The following PIGL variants were observed in gnomAD, a reference collection of about 807,000 sequenced individuals.
PIGL encodes the protein N-acetylglucosaminyl-phosphatidylinositol de-N-acetylase.
Under a neutral mutation model 31.1 loss-of-function variants are expected in PIGL, and 22 were observed. The ratio of observed to expected loss-of-function variants is 0.71; its 90% CI spans 0.51 to 1.01. The LOEUF is 1.01. PIGL is among the 50% of genes least tolerant of loss of function. PIGL has a pLI of 0.00. For missense variants in PIGL, 302 were observed against 315.9 expected (o/e 0.96, Z 0.33); for synonymous variants, 131 against 117.4 (o/e 1.12, Z -0.75).
At chr17:16,290,156 C>T (rs563406127) in intron 2 of PIGL, among the ~76,000 whole-genome samples, 10 of 150,764 alleles carry the variant, frequency 6.6e-5, no homozygotes, top group African/African-American at 2.4e-4. Flanking sequence ...TGCAGTTGCT[C>T]ACTGCAACCT....
At chr17:16,269,652 A>G (rs558804082) in intron 2 of PIGL, among the ~76,000 whole-genome samples, 1,712 of 143,678 alleles carry the variant, frequency 0.012, 49 homozygotes, top group African/African-American at 0.041. Flanking sequence ...CCGTCTCAAA[A>G]AAAAAAAAAA....
At chr17:16,270,755 G>T (rs1453152361) in intron 2 of PIGL, among the ~76,000 whole-genome samples, 1 of 151,938 alleles carries the variant, frequency 6.6e-6, no homozygotes. Context: ...AAATTAGCCG[G>T]GTGTGGTGGC....
chr17:16,231,531 T>C (rs888235821), intron 1 of PIGL, among the ~76,000 whole-genome samples: 26 of 152,248 alleles, frequency 1.7e-4, no homozygotes, highest in African/African-American at 5.1e-4. Context: ...TGAGCCACTA[T>C]GCCCAGCTTT....
intron 6 of PIGL, among the ~76,000 whole-genome samples, chr17:16,321,155 C>A (rs1392624656): frequency 6.7e-6 from 1 of 150,354 alleles, no homozygotes; most frequent in African/African-American, 2.5e-5. Flanking sequence ...CCAGGTTGGT[C>A]TTGAACTCCT....
At chr17:16,322,159 T>C (rs2093108833) in intron 6 of PIGL, among the ~76,000 whole-genome samples, 1 of 152,058 alleles carries the variant, frequency 6.6e-6, no homozygotes, top group Admixed American at 6.6e-5. Context: ...AGTGGAGCGA[T>C]CTCGGCTCAC....
intron 2 of PIGL, among the ~76,000 whole-genome samples, chr17:16,246,533 A>G: frequency 6.6e-6 from 1 of 151,956 alleles, no homozygotes; most frequent in Non-Finnish European, 1.5e-5. Context: ...TAAATACTTA[A>G]AGAAGCCAGT....
At chr17:16,301,467 G>A (rs890362323) in intron 3 of PIGL, among the ~76,000 whole-genome samples, 2 of 151,692 alleles carry the variant, frequency 1.3e-5, no homozygotes, top group East Asian at 1.9e-4. Flanking sequence ...GTTTCACCAT[G>A]TTGATCAGGC....
chr17:16,261,570 G>A (rs2092819426), intron 2 of PIGL, among the ~76,000 whole-genome samples: 1 of 151,952 alleles, frequency 6.6e-6, no homozygotes, highest in Non-Finnish European at 1.5e-5. Context: ...ACAACAAAAA[G>A]ACAAAAAATA....
rs1327126646 is a variant in PIGL, at chr17:16,325,787, T to C, written c.661-13T>C. ...GCAACTGTTTCATAACTGGTTCTCT[T>C]TGATTCTTCTAGAAAGCCATGTCCT... is the stretch of plus-strand genomic sequence containing the variant. On this transcript the variant is annotated splice_polypyrimidine_tract_variant and intron_variant, in intron 6 of 6. Coordinates refer to ENST00000225609, the MANE Select transcript of PIGL (RefSeq NM_004278.4). The C allele has an allele frequency of 6.2e-7, 1 of 1,606,370 alleles. No individual in the cohort carries two copies. Among genetic ancestry groups the C allele is most frequent in the East Asian group, 2.2e-5 (1 of 44,858 alleles).
chr17:16,302,083 C>T (rs1408023400), intron 3 of PIGL, among the ~76,000 whole-genome samples: 1 of 152,146 alleles, frequency 6.6e-6, no homozygotes, highest in Non-Finnish European at 1.5e-5. Flanking sequence ...TTAGTACACA[C>T]AGGCCAAAAC....
Position 16,317,915 on chromosome 17 carries a change from A to G in PIGL, c.660+7A>G. 6.2e-7 allele frequency: 1 copy of G among 1,609,562 alleles called. No individual in the cohort carries two copies. The highest frequency in any genetic ancestry group is 8.5e-7 in the Non-Finnish European group (1 of 1,179,564). ...AGAAGTGGCACAGGCCAAGGTGAGG[A>G]TTGTAAATTCCTGGACACCCCAACT... On this transcript the variant is annotated splice_region_variant and intron_variant, in intron 6 of 6. Coordinates refer to ENST00000225609, the MANE Select transcript of PIGL (RefSeq NM_004278.4).
At chr17:16,298,069 C>G (rs904297507) in intron 2 of PIGL, among the ~76,000 whole-genome samples, 3 of 152,176 alleles carry the variant, frequency 2.0e-5, no homozygotes, top group Non-Finnish European at 2.9e-5. Context: ...GCCCCCCACC[C>G]CTGTCCATGG....
chr17:16,258,455 G>A (rs1351774564), intron 2 of PIGL, among the ~76,000 whole-genome samples: 2 of 151,600 alleles, frequency 1.3e-5, no homozygotes. Flanking sequence ...TGGGATTACA[G>A]GTGTGAGCCA....
intron 1 of PIGL, among the ~76,000 whole-genome samples, chr17:16,225,523 G>T: frequency 6.7e-6 from 1 of 150,104 alleles, no homozygotes; most frequent in South Asian, 2.1e-4. Flanking sequence ...TGAGTAGCTG[G>T]GACTACAGTC....
chr17:16,311,800 G>A (rs1418083129), intron 3 of PIGL, among the ~76,000 whole-genome samples: 4 of 152,060 alleles, frequency 2.6e-5, no homozygotes, highest in Non-Finnish European at 4.4e-5. Flanking sequence ...CAACAGCATC[G>A]CAAGGCAGAA....
At chr17:16,319,365 G>A (rs1026746352) in intron 6 of PIGL, among the ~76,000 whole-genome samples, 3 of 151,888 alleles carry the variant, frequency 2.0e-5, no homozygotes, top group Admixed American at 1.3e-4. Flanking sequence ...CTTACTGTTA[G>A]ACATTTTGAT....
chr17:16,285,263 C>T (rs2092932458), intron 2 of PIGL, among the ~76,000 whole-genome samples: 1 of 152,220 alleles, frequency 6.6e-6, no homozygotes, highest in African/African-American at 2.4e-5. Flanking sequence ...GCACTCATGC[C>T]TTGCTAATCC....
intron 2 of PIGL, among the ~76,000 whole-genome samples, chr17:16,267,515 G>A (rs1004105696): frequency 8.6e-5 from 13 of 151,866 alleles, no homozygotes; most frequent in African/African-American, 9.7e-5. Context: ...TCATATTGTC[G>A]GGGTTCTTTA....
chr17:16,227,578 CTTT>C (rs57452229), intron 1 of PIGL, among the ~76,000 whole-genome samples: 1 of 103,192 alleles, frequency 9.7e-6, no homozygotes, highest in Non-Finnish European at 1.9e-5. Flanking sequence ...ATTTTCTTTT[CTTT>C]TTTTTTTTTT....
Sources: gnomAD v4.1 joint callset for allele counts (sites outside exome capture counted in the v4.1 genomes callset) on GRCh38, gnomAD v4.1.1 for gene constraint, MANE v1.5 for transcripts, NCBI Gene and HGNC (gene_info 2026-07-23, HGNC 2026-07-21) for gene names.